MORC1: variants seen among roughly 807,000 people sequenced by gnomAD.
MORC1 encodes the protein MORC family CW-type zinc finger 1, also known as MORC family CW-type zinc finger protein 1.
A neutral mutation model predicts 134.9 loss-of-function variants in MORC1; 59 were observed. The ratio of observed to expected loss-of-function variants is 0.44; its 90% CI spans 0.35 to 0.54. The LOEUF is 0.54. Ranked by LOEUF, MORC1 falls within the 20% of genes least tolerant of loss-of-function variation. The pLI is 0.00. For missense variants in MORC1, 947 were observed against 1,134.5 expected (o/e 0.83, Z 2.37); for synonymous variants, 395 against 391.7 (o/e 1.01, Z -0.10).
chr3:109,109,847 C>A (rs992711914), intron 3 of MORC1: 2 of 152,362 alleles, frequency 1.3e-5, no homozygotes, highest in African/African-American at 4.8e-5. Context: ...CTCCACTGGG[C>A]GGGTGAGTCC....
intron 7 of MORC1, 151 bp from the exon 8 acceptor site, chr3:109,093,692 G>A: frequency 1.7e-6 from 1 of 604,088 alleles, no homozygotes; most frequent in Non-Finnish European, 2.9e-6. Context: ...CTTTGGCTAA[G>A]CCAAGATATG....
At chr3:108,998,015 C>G (rs140890641) in intron 21 of MORC1, among the ~76,000 whole-genome samples, 1 of 152,154 alleles carries the variant, frequency 6.6e-6, no homozygotes, top group African/African-American at 2.4e-5. Flanking sequence ...GGCAAAGGTT[C>G]GCTGAGTCAG....
intron 14 of MORC1, among the ~76,000 whole-genome samples, chr3:109,052,818 G>A (rs1173480360): frequency 1.3e-5 from 2 of 151,984 alleles, no homozygotes; most frequent in Non-Finnish European, 2.9e-5. Flanking sequence ...TTAAAAGTAA[G>A]TTTATTTACA....
intron 26 of MORC1, among the ~76,000 whole-genome samples, chr3:108,968,866 C>A (rs374495780): frequency 6.6e-6 from 1 of 152,076 alleles, no homozygotes; most frequent in African/African-American, 2.4e-5. Flanking sequence ...CTGGCCTGTG[C>A]GATGAATCTG....
chr3:109,024,556 C>G (rs1305949955), intron 17 of MORC1, among the ~76,000 whole-genome samples: 2 of 152,102 alleles, frequency 1.3e-5, no homozygotes, highest in Non-Finnish European at 2.9e-5. Context: ...GATCAAGATG[C>G]CTGCTACCAT....
chr3:109,032,502 A>T (rs1197711338), intron 16 of MORC1, among the ~76,000 whole-genome samples: 1 of 152,178 alleles, frequency 6.6e-6, no homozygotes, highest in Non-Finnish European at 1.5e-5. Flanking sequence ...TGCTCACCCC[A>T]ACGTCTTCAG....
chr3:108,973,078 A>G (rs1947438207), intron 24 of MORC1, among the ~76,000 whole-genome samples: 1 of 152,224 alleles, frequency 6.6e-6, no homozygotes, highest in Admixed American at 6.5e-5. Flanking sequence ...CTAAAATTAG[A>G]CACATAATAG....
At chr3:109,036,281 T>A (rs540025649) in intron 14 of MORC1, among the ~76,000 whole-genome samples, 227 of 152,128 alleles carry the variant, frequency 1.5e-3, no homozygotes, top group African/African-American at 3.0e-3. Flanking sequence ...TTTTTAAAAA[T>A]ATATATATAT....
chr3:109,030,120 A>G (rs1158081643), intron 16 of MORC1, among the ~76,000 whole-genome samples: 1 of 152,198 alleles, frequency 6.6e-6, no homozygotes, highest in East Asian at 1.9e-4. Context: ...CAATTGGCAA[A>G]TAACTACTGA....
chr3:109,108,887 G>A (rs1172131534), intron 3 of MORC1, among the ~76,000 whole-genome samples: 4 of 133,184 alleles, frequency 3.0e-5, no homozygotes, highest in East Asian at 2.2e-4. Context: ...GCGACAGAGC[G>A]AGACTCCGTC....
chr3:108,971,529 A>C (rs1947379783), intron 24 of MORC1, 127 bp from the exon 25 acceptor site: 1 of 753,810 alleles, frequency 1.3e-6, no homozygotes, highest in Admixed American at 2.7e-5. Flanking sequence ...GTTCCCCCCA[A>C]ACATTTTGTT....
chr3:109,054,280 CA>C (rs11292790), intron 14 of MORC1, among the ~76,000 whole-genome samples: 22,895 of 112,554 alleles, frequency 0.2, 1,841 homozygotes, highest in African/African-American at 0.27. Flanking sequence ...GACTCCATCT[CA>C]AAAAAAAAAA....
At chr3:108,968,953 G>A (rs1658903231) in intron 26 of MORC1, among the ~76,000 whole-genome samples, 1 of 125,498 alleles carries the variant, frequency 8.0e-6, no homozygotes, top group Non-Finnish European at 1.8e-5. Context: ...TGGAGTACCA[G>A]GGTTTTTTTT....
At chr3:109,081,615 C>T (rs1424039240) in intron 8 of MORC1, among the ~76,000 whole-genome samples, 1 of 152,004 alleles carries the variant, frequency 6.6e-6, no homozygotes, top group Non-Finnish European at 1.5e-5. Context: ...CCACCACACC[C>T]AGCTAAGTTT....
rs970537497 is a variant in MORC1 at position 108,963,593 on chromosome 3, T to C, written c.2620A>G (p.Met874Val). 6.4e-7 allele frequency: 1 copy of C among 1,557,988 alleles called. No homozygotes were observed. The highest frequency in any genetic ancestry group is 1.2e-5 in the South Asian group (1 of 83,758). ...TTTATTTTTTTTTCATATTGGACCA[T>C]GTAAGTATTCTGTATCTGGGAATGT... ...MCFNQIQNTY[M>V]VQYEKKIKRK... is the part of the protein sequence containing the mutation. Residue 874 changes from methionine (M) to valine (V), a missense_variant, in exon 27 of 28, where the codon ATG becomes GTG. Physicochemically the swap from Met to Val is conservative, Grantham distance 21. Transcript: ENST00000232603.
At chr3:109,022,670 T>C (rs2107584246) in intron 17 of MORC1, among the ~76,000 whole-genome samples, 1 of 152,338 alleles carries the variant, frequency 6.6e-6, no homozygotes, top group East Asian at 1.9e-4. Flanking sequence ...TCTTCAGTAA[T>C]ATATGCAGAA....
intron 24 of MORC1, among the ~76,000 whole-genome samples, chr3:108,978,506 T>C (rs549769038): frequency 6.6e-6 from 1 of 152,302 alleles, no homozygotes; most frequent in East Asian, 1.9e-4. Flanking sequence ...CCCTGCACTC[T>C]GGATGCTGCT....
At chr3:109,017,617 C>A (rs1228170695) in intron 17 of MORC1, among the ~76,000 whole-genome samples, 1 of 152,106 alleles carries the variant, frequency 6.6e-6, no homozygotes, top group Non-Finnish European at 1.5e-5. Flanking sequence ...TTTAAAATCA[C>A]ATATGTACTT....
chr3:109,003,987 A>C (rs1481296027), intron 20 of MORC1, among the ~76,000 whole-genome samples: 1 of 152,192 alleles, frequency 6.6e-6, no homozygotes, highest in African/African-American at 2.4e-5. Flanking sequence ...TACTATTCAA[A>C]ATAATTCCTT....
Sources: allele counts gnomAD v4.1 joint callset (sites outside exome capture counted in the v4.1 genomes callset), GRCh38; gene constraint gnomAD v4.1.1; transcripts MANE v1.5; gene names NCBI Gene and HGNC (gene_info 2026-07-23, HGNC 2026-07-21).